CDH8: variants seen among roughly 807,000 people sequenced by gnomAD.
The protein encoded by CDH8 is cadherin-8.
In CDH8, 17 loss-of-function variants were observed where a neutral mutation model predicts 68.1. The ratio of observed to expected loss-of-function variants is 0.25; its 90% CI spans 0.17 to 0.37. The LOEUF is 0.37. CDH8 is among the 10% of genes least tolerant of loss of function. The pLI is 1.00. For synonymous variants in CDH8, 372 were observed against 365.1 expected, an observed-to-expected ratio of 1.02 and a Z score of -0.21; for missense variants, 763 against 999.3, an observed-to-expected ratio of 0.76 and a Z score of 3.19.
chr16:61,653,021 T>G lies in CDH8; in HGVS notation c.*587A>C. On this transcript the variant is annotated 3_prime_UTR_variant, in exon 12 of 12. Transcript: ENST00000577390. ...GGCTCGACACAATATTTAAAGATGC[T>G]ATTCAGTCTCTAGTGAGTGGGGCCA... is the stretch of plus-strand genomic sequence containing the variant. The G allele has an allele frequency of 7.0e-7, 1 of 1,434,242 alleles. No homozygotes were observed. Among genetic ancestry groups the G allele is most frequent in the Non-Finnish European group, 9.1e-7 (1 of 1,094,450 alleles). The allele number at this position is 1,434,242 out of a possible 1,614,324, so 88.8% of individuals were successfully genotyped here.
intron 2 of CDH8, among the ~76,000 whole-genome samples, chr16:61,952,021 C>T (rs369068981): frequency 2.0e-5 from 3 of 152,138 alleles, no homozygotes; most frequent in Non-Finnish European, 4.4e-5. Context: ...TGAATATTAT[C>T]GAAGACAGTG....
rs574166749 is a variant in CDH8, at chr16:61,704,615, T to C, written c.1654+9226A>G. ...CCATTGGCTTTTATCCTACATTCTT[T>C]CATTTATTCATCACAGTGCTTTTGT... is the stretch of plus-strand genomic sequence containing the variant. On this transcript the variant is annotated intron_variant, in intron 10 of 11. Transcript: ENST00000577390. 1.8e-4 allele frequency among the ~76,000 whole-genome samples: 27 copies of C among 152,334 alleles called. No homozygotes were observed. In the South Asian group the frequency reaches 5.6e-3, roughly 32 times the overall value.
chr16:61,864,200 T>A (rs1963207521), intron 3 of CDH8, among the ~76,000 whole-genome samples: 1 of 152,196 alleles, frequency 6.6e-6, no homozygotes, highest in African/African-American at 2.4e-5. Context: ...ATTAGTTTTA[T>A]GGAAAAATGC....
At chr16:61,990,222 A>T (rs1965691902) in intron 2 of CDH8, among the ~76,000 whole-genome samples, 1 of 151,984 alleles carries the variant, frequency 6.6e-6, no homozygotes, top group South Asian at 2.1e-4. Flanking sequence ...GATTAGAGAA[A>T]GGGCCTCTAA....
At chr16:61,796,479 A>G (rs1961503884) in intron 7 of CDH8, among the ~76,000 whole-genome samples, 1 of 152,058 alleles carries the variant, frequency 6.6e-6, no homozygotes, top group African/African-American at 2.4e-5. Context: ...CATGTGAGAA[A>G]ATGGGCTCCT....
chr16:61,659,227 CT>C (rs1432169711), intron 10 of CDH8, among the ~76,000 whole-genome samples: 2 of 152,138 alleles, frequency 1.3e-5, no homozygotes, highest in Non-Finnish European at 2.9e-5. Flanking sequence ...GGAAATGGAT[CT>C]GGAGGCAAGC....
At chr16:61,730,289 A>G (rs1035736040) in intron 8 of CDH8, among the ~76,000 whole-genome samples, 4 of 151,450 alleles carry the variant, frequency 2.6e-5, no homozygotes, top group African/African-American at 9.7e-5. Context: ...AGTGTTATTT[A>G]TCTATCCCTG....
At chr16:61,810,940 C>T (rs1961929704) in intron 7 of CDH8, among the ~76,000 whole-genome samples, 1 of 149,758 alleles carries the variant, frequency 6.7e-6, no homozygotes, top group East Asian at 2.0e-4. Flanking sequence ...AGAAGAATTG[C>T]TTGAACCCAA....
chr16:61,731,216 TGAGAGAGTGTTGGTA>T (rs1288767641), intron 8 of CDH8, among the ~76,000 whole-genome samples: 7 of 151,592 alleles, frequency 4.6e-5, no homozygotes, highest in African/African-American at 7.3e-5. Flanking sequence ...GAAAGACAAA[TGAGAGAGTGTTGGTA>T]GATCTGGTAG....
chr16:62,035,355 A>C (rs1902430624), intron 1 of CDH8, among the ~76,000 whole-genome samples: 2 of 152,140 alleles, frequency 1.3e-5, no homozygotes. Flanking sequence ...GCCTCCGTGC[A>C]CGCAATCTCG....
chr16:61,927,992 G>A (rs1355682903), intron 2 of CDH8, among the ~76,000 whole-genome samples: 2 of 152,180 alleles, frequency 1.3e-5, no homozygotes, highest in Admixed American at 6.5e-5. Flanking sequence ...GGTAAAGTTA[G>A]TTCCACTGAA....
At position 61,967,958 on chromosome 16, in the gene CDH8, G is replaced by A. The variant is rs534190598; in HGVS notation, c.252+53194C>T. ...CTAGTAGCTGGGATTACAGGCGCCC[G>A]CCACCACGCCCAGCTAATTTTTTGT... On this transcript the variant is annotated intron_variant, in intron 2 of 11. Coordinates refer to ENST00000577390, the MANE Select transcript of CDH8 (RefSeq NM_001796.5). Among the ~76,000 whole-genome samples the A allele has an allele frequency of 5.3e-5, 8 of 152,142 alleles. 1 individual carries two copies. In the South Asian group the frequency reaches 1.7e-3, roughly 32 times the overall value.
intron 8 of CDH8, among the ~76,000 whole-genome samples, chr16:61,734,694 G>C (rs1959627459): frequency 6.6e-6 from 1 of 152,018 alleles, no homozygotes; most frequent in Admixed American, 6.6e-5. Context: ...GAGTTGTTTA[G>C]AGTTATTAAG....
At chr16:61,768,439 T>TCTCC (rs1960692283) in intron 8 of CDH8, among the ~76,000 whole-genome samples, 3 of 142,938 alleles carry the variant, frequency 2.1e-5, no homozygotes, top group African/African-American at 8.0e-5. Flanking sequence ...CCTCTCCCTC[T>TCTCC]CTCTCTCGCA....
At chr16:61,953,913 AT>A (rs1964938514) in intron 2 of CDH8, among the ~76,000 whole-genome samples, 1 of 141,412 alleles carries the variant, frequency 7.1e-6, no homozygotes, top group African/African-American at 2.8e-5. Context: ...ATATATATAT[AT>A]ATATATATAT....
At chr16:61,809,467 C>T in intron 7 of CDH8, among the ~76,000 whole-genome samples, 1 of 152,168 alleles carries the variant, frequency 6.6e-6, no homozygotes, top group Middle Eastern at 3.4e-3. Context: ...AGCATTAGGA[C>T]AAATACCTAA....
chr16:61,669,735 A>T (rs1859204228), intron 10 of CDH8, among the ~76,000 whole-genome samples: 2 of 152,010 alleles, frequency 1.3e-5, no homozygotes, highest in Admixed American at 1.3e-4. Flanking sequence ...CTACCATCAG[A>T]TACGAATGAG....
intron 10 of CDH8, among the ~76,000 whole-genome samples, chr16:61,697,145 G>T (rs1964341733): frequency 6.6e-6 from 1 of 152,122 alleles, no homozygotes; most frequent in Admixed American, 6.5e-5. Flanking sequence ...GGAAGCTACG[G>T]CCTCATAGGC....
chr16:61,874,990 T>C (rs559527177), intron 3 of CDH8, among the ~76,000 whole-genome samples: 71 of 152,148 alleles, frequency 4.7e-4, no homozygotes, highest in Non-Finnish European at 8.5e-4. Flanking sequence ...AAACTTACCA[T>C]GACAGAGCTT....
Sources: allele counts gnomAD v4.1 joint callset (sites outside exome capture counted in the v4.1 genomes callset), GRCh38; gene constraint gnomAD v4.1.1; transcripts MANE v1.5; gene names NCBI Gene and HGNC (gene_info 2026-07-23, HGNC 2026-07-21).